The following FGF13 variants were observed in gnomAD, a reference collection of about 807,000 sequenced individuals.
The protein encoded by FGF13 is fibroblast growth factor 13.
FGF13 carries 2 observed loss-of-function variants against 19.5 expected under a neutral mutation model. That is an observed-to-expected ratio of 0.10 (90% CI 0.04 to 0.32). The LOEUF (loss-of-function observed/expected upper bound fraction) is 0.32. Ranked by LOEUF, FGF13 falls within the 10% of genes least tolerant of loss-of-function variation. The pLI is 1.00. For synonymous variants in FGF13, 72 were observed against 76.9 expected, an observed-to-expected ratio of 0.94 and a Z score of 0.33; for missense variants, 113 against 192.7, an observed-to-expected ratio of 0.59 and a Z score of 2.45.
chrX:139,163,537 A>G (rs2084053761), intron 1 of FGF13, among the ~76,000 whole-genome samples: 1 of 111,366 alleles, frequency 9.0e-6, no homozygotes, highest in Non-Finnish European at 1.9e-5. Context: ...AACTTTAAGC[A>G]TAATAATTTA....
At chrX:139,161,167 C>A (rs1036095552) in intron 1 of FGF13, among the ~76,000 whole-genome samples, 1 of 111,996 alleles carries the variant, frequency 8.9e-6, no homozygotes, top group African/African-American at 3.2e-5. Context: ...TGGGCTTCAT[C>A]CCTGGGATGC....
At chrX:138,825,422 C>T (rs1303612635) in intron 3 of FGF13, among the ~76,000 whole-genome samples, 1 of 112,017 alleles carries the variant, frequency 8.9e-6, no homozygotes, top group Non-Finnish European at 1.9e-5. Context: ...ACATAATAGT[C>T]GTCCATAATG....
At chrX:138,983,581 A>G (rs2091973488) in intron 1 of FGF13, among the ~76,000 whole-genome samples, 1 of 108,992 alleles carries the variant, frequency 9.2e-6, no homozygotes, top group Non-Finnish European at 1.9e-5. Flanking sequence ...TGTTGGTAGG[A>G]ACGTAAAATG....
chrX:138,993,036 T>A lies in FGF13; in HGVS notation c.-112-128386A>T, dbSNP rs776536718. On this transcript the variant is annotated intron_variant, in intron 1 of 2. Coordinates refer to the FGF13 transcript ENST00000421460. ...TGTTATCCCCACCAAAAATTCCTAA[T>A]CTGAATTTAACCATGAGGAAACTTC... 3.6e-5 allele frequency among the ~76,000 whole-genome samples: 4 copies of A among 111,688 alleles called. No homozygotes were observed. The South Asian group carries it at 1.5e-3, about 42-fold the overall frequency.
At chrX:139,098,159 C>T (rs978824818) in intron 1 of FGF13, among the ~76,000 whole-genome samples, 1 of 111,412 alleles carries the variant, frequency 9.0e-6, no homozygotes, top group African/African-American at 3.3e-5. Flanking sequence ...TCAGTGACAG[C>T]GAGCATGGGC....
chrX:138,680,678 A>C (rs760997795), intron 3 of FGF13, among the ~76,000 whole-genome samples: 8 of 111,648 alleles, frequency 7.2e-5, no homozygotes, highest in Non-Finnish European at 1.5e-4. Flanking sequence ...TTTTCCATTT[A>C]TAGATTAGAA....
At chrX:139,166,851 T>C (rs1424569041) in intron 1 of FGF13, among the ~76,000 whole-genome samples, 1 of 111,419 alleles carries the variant, frequency 9.0e-6, no homozygotes, top group African/African-American at 3.3e-5. Flanking sequence ...ATATGAAAAT[T>C]TCACTTTTCC....
chrX:138,679,107 C>CT (rs1203178499), intron 3 of FGF13, among the ~76,000 whole-genome samples: 1 of 111,806 alleles, frequency 8.9e-6, no homozygotes, highest in African/African-American at 3.3e-5. Flanking sequence ...GGGTCTCACT[C>CT]TATCAATCAC....
intron 1 of FGF13, among the ~76,000 whole-genome samples, chrX:139,052,181 C>CCACA (rs72408772): frequency 7.4e-5 from 8 of 107,936 alleles, no homozygotes; most frequent in Non-Finnish European, 9.6e-5. Flanking sequence ...TGTTTTCACA[C>CCACA]CACACACACA....
intron 3 of FGF13, among the ~76,000 whole-genome samples, chrX:138,691,649 C>A (rs2089839941): frequency 9.0e-6 from 1 of 111,411 alleles, no homozygotes; most frequent in South Asian, 3.7e-4. Context: ...GACATTTTTT[C>A]TTGGGTAAAA....
Position 138,711,469 on chromosome X carries a change from G to C in FGF13, c.-466C>G. On this transcript the variant is annotated 5_prime_UTR_variant, in exon 1 of 5. Transcript: ENST00000315930. ...CGGGCGGGAGAGAGGCCGGGAGCTC[G>C]GGCGGCCGGACGGAGGAGGGACGAG... The C allele has an allele frequency of 2.7e-6, 2 of 731,561 alleles. No homozygotes were observed. Among genetic ancestry groups the C allele is most frequent in the Non-Finnish European group, 3.2e-6 (2 of 617,095 alleles). The allele number at this position is 731,561 out of a possible 1,213,427, so 60.3% of individuals were successfully genotyped here.
At chrX:138,824,298 G>T (rs1449889660) in intron 3 of FGF13, among the ~76,000 whole-genome samples, 2 of 111,884 alleles carry the variant, frequency 1.8e-5, no homozygotes, top group Non-Finnish European at 3.8e-5. Flanking sequence ...TGATGAGTAG[G>T]CTTCAGATGG....
intron 1 of FGF13, among the ~76,000 whole-genome samples, chrX:139,081,351 C>A (rs1485516370): frequency 8.9e-6 from 1 of 111,789 alleles, no homozygotes; most frequent in Non-Finnish European, 1.9e-5. Flanking sequence ...ATCAGCCACT[C>A]CTTCTCATCT....
chrX:139,073,667 C>G (rs2092383914), intron 1 of FGF13, among the ~76,000 whole-genome samples: 1 of 111,575 alleles, frequency 9.0e-6, no homozygotes, highest in Non-Finnish European at 1.9e-5. Flanking sequence ...TAGCCCAAGC[C>G]CTTGCCCAGA....
At chrX:138,706,788 C>A (rs892735944) in intron 2 of FGF13, among the ~76,000 whole-genome samples, 1 of 111,926 alleles carries the variant, frequency 8.9e-6, no homozygotes, top group Non-Finnish European at 1.9e-5. Context: ...ATGGCTTATG[C>A]CCCACAATAT....
intron 1 of FGF13, among the ~76,000 whole-genome samples, chrX:139,092,897 C>T (rs1295233802): frequency 3.6e-5 from 4 of 111,974 alleles, no homozygotes; most frequent in Admixed American, 9.5e-5. Context: ...AGATAAGTTA[C>T]TGATCTTAGG....
chrX:139,131,398 TG>T (rs2083760596), intron 1 of FGF13, among the ~76,000 whole-genome samples: 1 of 107,852 alleles, frequency 9.3e-6, no homozygotes, highest in Non-Finnish European at 1.9e-5. Context: ...TGTGTGTGTG[TG>T]TGTGTGTGTG....
chrX:138,920,506 A>T (rs1275311608), intron 1 of FGF13, among the ~76,000 whole-genome samples: 1 of 111,822 alleles, frequency 8.9e-6, no homozygotes, highest in African/African-American at 3.2e-5. Flanking sequence ...GCTGAAGATT[A>T]TTCAAGTTAA....
chrX:138,698,349 G>A (rs1056854992), intron 3 of FGF13, among the ~76,000 whole-genome samples: 1 of 110,174 alleles, frequency 9.1e-6, no homozygotes, highest in Non-Finnish European at 1.9e-5. Flanking sequence ...AAGTAGAAAT[G>A]CAAAAGAAGG....
Sources: allele counts gnomAD v4.1 joint callset (sites outside exome capture counted in the v4.1 genomes callset), GRCh38; gene constraint gnomAD v4.1.1; transcripts MANE v1.5; gene names NCBI Gene and HGNC (gene_info 2026-07-23, HGNC 2026-07-21).